The following GOLGB1 variants were observed in gnomAD, a reference collection of about 807,000 sequenced individuals.
GOLGB1 encodes golgin subfamily B member 1.
A neutral mutation model predicts 336.9 loss-of-function variants in GOLGB1; 174 were observed. The observed-to-expected ratio is 0.52, with a 90% CI of 0.46 to 0.59. The LOEUF (loss-of-function observed/expected upper bound fraction) is 0.59, where lower values mean the gene tolerates loss of function less well. Among genes scored for constraint, GOLGB1 ranks in the 20% least tolerant of loss-of-function variants. The probability of loss-of-function intolerance (pLI) is 0.00; values close to 1 mark genes in which losing one functional copy is unlikely to be tolerated. For synonymous variants in GOLGB1, 1,208 were observed against 1,289.2 expected (o/e 0.94, Z 1.35); for missense variants, 3,331 against 3,645.3 (o/e 0.91, Z 2.22).
At chr3:121,716,526 G>A (rs965110658) in intron 9 of GOLGB1, among the ~76,000 whole-genome samples, 1 of 152,128 alleles carries the variant, frequency 6.6e-6, no homozygotes, top group Non-Finnish European at 1.5e-5. Flanking sequence ...CACATTTTTA[G>A]TATTGTAATG....
At position 121,697,540 on chromosome 3, in the gene GOLGB1, G is replaced by C. The variant is rs754491601; in HGVS notation, c.2983C>G (p.Gln995Glu). Residue 995 changes from glutamine to glutamate, a missense_variant, in exon 13 of 22, where the codon CAG becomes GAG. Physicochemically the swap from Gln to Glu is conservative, Grantham distance 29. Transcript: ENST00000614479. ...EFDLLKKENE[Q>E]RKRKLQAALI... The stretch of plus-strand genomic sequence containing the variant: ...GCTGCCTGGAGCTTTCTCTTTCTCT[G>C]CTCATTTTCTTTCTTCAGAAGGTCA... 1.1e-5 allele frequency: 17 copies of C among 1,613,342 alleles called. No individual in the cohort carries two copies. The highest frequency in any genetic ancestry group is 5.9e-6 in the Non-Finnish European group (7 of 1,179,826).
At chr3:121,692,792 T>C (rs1942571174) in intron 13 of GOLGB1, among the ~76,000 whole-genome samples, 1 of 152,234 alleles carries the variant, frequency 6.6e-6, no homozygotes, top group Admixed American at 6.5e-5. Flanking sequence ...TACTTAAGGG[T>C]TCATATATTT....
chr3:121,730,762 C>A, intron 2 of GOLGB1, 114 bp downstream of exon 2: 2 of 967,350 alleles, frequency 2.1e-6, no homozygotes, highest in Non-Finnish European at 1.4e-6. Flanking sequence ...TTTCTTAATC[C>A]TCGCTTCACC....
intron 19 of GOLGB1, 21 bp downstream of exon 19, chr3:121,668,039 GT>G: frequency 7.4e-7 from 1 of 1,355,102 alleles, no homozygotes; most frequent in Non-Finnish European, 1.0e-6. Context: ...ATGCTCCAGG[GT>G]TTAGAGAGCC....
At chr3:121,727,306 ATATATATATATATATTTT>A (rs2108258587) in intron 4 of GOLGB1, among the ~76,000 whole-genome samples, 1 of 28,628 alleles carries the variant, frequency 3.5e-5, no homozygotes, top group African/African-American at 8.3e-5. Flanking sequence ...ATATATATAT[ATATATATATATATATTTT>A]TTTTTTTTTT....
At chr3:121,707,225 CAAA>C (rs554313106) in intron 10 of GOLGB1, among the ~76,000 whole-genome samples, 2 of 93,670 alleles carry the variant, frequency 2.1e-5, no homozygotes, top group African/African-American at 4.5e-5. Context: ...GACTCCATCT[CAAA>C]AAAAAAAAAA....
intron 1 of GOLGB1, 70 bp from the exon 2 acceptor site, chr3:121,731,043 A>T (rs1946077153): frequency 1.4e-6 from 2 of 1,444,110 alleles, no homozygotes; most frequent in Non-Finnish European, 1.9e-6. Flanking sequence ...CTATATTGAT[A>T]ACCATATCAT....
intron 1 of GOLGB1, among the ~76,000 whole-genome samples, chr3:121,745,918 C>G (rs1947253815): frequency 6.6e-6 from 1 of 152,068 alleles, no homozygotes; most frequent in South Asian, 2.1e-4. Flanking sequence ...CTTATAACAA[C>G]CACCTGGTGT....
At position 121,710,102 on chromosome 3, in the gene GOLGB1, G is replaced by T. The variant is rs1353390633; in HGVS notation, c.1404+4759C>A. ...AAACAAACCAAAACTGGCACCGGGT[G>T]GAAAAAAAAAAAAAAATCTTATTAT... On this transcript the variant is annotated intron_variant, in intron 10 of 21. Transcript: ENST00000614479. Among the ~76,000 whole-genome samples the T allele has an allele frequency of 3.2e-4, 42 of 133,332 alleles. 1 individual carries two copies. Among genetic ancestry groups the T allele is most frequent in the Non-Finnish European group, 3.5e-4 (22 of 62,262 alleles). 87.5% of individuals were successfully genotyped at this position (133,332 alleles called of 152,430 possible). A position where few individuals can be genotyped will look rare whatever the true frequency, so the allele number is the denominator to read the frequency against.
intron 11 of GOLGB1, among the ~76,000 whole-genome samples, chr3:121,701,161 G>A (rs1943373094): frequency 6.6e-6 from 1 of 152,072 alleles, no homozygotes; most frequent in African/African-American, 2.4e-5. Context: ...TAATCTATGA[G>A]GCCAGACACA....
At chr3:121,688,338 G>A (rs1425426285) in intron 14 of GOLGB1, among the ~76,000 whole-genome samples, 4 of 152,216 alleles carry the variant, frequency 2.6e-5, no homozygotes, top group African/African-American at 7.2e-5. Context: ...GGCGCGCGCC[G>A]CCACGCCTGA....
Position 121,693,856 on chromosome 3 carries a change from C to T in GOLGB1, c.6667G>A (p.Ala2223Thr), listed in dbSNP as rs762036228. Residue 2223 changes from alanine to threonine, a missense_variant, in exon 13 of 22, where the codon GCG becomes ACG. Coordinates refer to ENST00000614479, the MANE Select transcript of GOLGB1 (RefSeq NM_001366282.2). ...AKKWERKFSD[A>T]IQSKEEEIRL... ...ATTTCTTCTTCTTTGCTTTGAATCG[C>T]ATCACTAAACTTCCTCTCCCATTTC... The T allele has an allele frequency of 4.3e-6, 7 of 1,613,776 alleles. No individual in the cohort carries two copies. The South Asian group carries it at 5.5e-5, about 13-fold the overall frequency.
At chr3:121,733,615 A>G (rs919271201) in intron 1 of GOLGB1, among the ~76,000 whole-genome samples, 6 of 152,232 alleles carry the variant, frequency 3.9e-5, no homozygotes, top group Non-Finnish European at 7.3e-5. Context: ...TAAACATCAA[A>G]AAGCTGACTC....
rs199737833 is a variant in GOLGB1, at chr3:121,729,328, C to T, written c.262G>A (p.Ala88Thr). 19 of 1,611,934 alleles carry T rather than the reference C, an allele frequency of 1.2e-5. No homozygotes were observed. The highest frequency in any genetic ancestry group is 1.4e-5 in the Non-Finnish European group (17 of 1,178,720). ...KDEALQEERKAADNKIKKLKL... is the reference protein window; with the variant it reads ...KDEALQEERKTADNKIKKLKL... ...AGTTTTTTAATTTTGTTATCAGCAG[C>T]TTTTCTCTCTTCCTGCCCAAAAACA... is the stretch of plus-strand genomic sequence containing the variant. Residue 88 changes from alanine to threonine, a missense_variant, in exon 4 of 22, where the codon GCT becomes ACT. Coordinates refer to ENST00000614479, the MANE Select transcript of GOLGB1 (RefSeq NM_001366282.2).
At chr3:121,701,670 A>T (rs997381889) in intron 11 of GOLGB1, among the ~76,000 whole-genome samples, 5 of 152,166 alleles carry the variant, frequency 3.3e-5, no homozygotes, top group African/African-American at 1.2e-4. Context: ...GTTCACACAC[A>T]ATCCAATAGG....
intron 1 of GOLGB1, among the ~76,000 whole-genome samples, chr3:121,736,200 T>C (rs901359036): frequency 1.3e-5 from 2 of 152,134 alleles, no homozygotes; most frequent in African/African-American, 4.8e-5. Context: ...TGTAGATACG[T>C]CCCCCTCTAA....
Position 121,719,779 on chromosome 3 carries a change from A to C in GOLGB1, c.649-11T>G. ...CTGCATGGAACTCAACTGAAGACAC[A>C]TACCAGAGAAACTATGCAAGTTACA... On this transcript the variant is annotated splice_polypyrimidine_tract_variant and intron_variant, in intron 6 of 21. Transcript: ENST00000614479. 6.3e-7 allele frequency: 1 copy of C among 1,589,256 alleles called. No individual in the cohort carries two copies. The highest frequency in any genetic ancestry group is 8.6e-7 in the Non-Finnish European group (1 of 1,168,650).
chr3:121,749,470 G>A (rs1947608766), intron 1 of GOLGB1, among the ~76,000 whole-genome samples, 162 bp downstream of exon 1: 1 of 152,202 alleles, frequency 6.6e-6, no homozygotes, highest in Non-Finnish European at 1.5e-5. Context: ...CCTGGTAGGT[G>A]AAGGAGGCGG....
chr3:121,698,234 C>T lies in GOLGB1; in HGVS notation c.2289G>A (p.Met763Ile). The T allele has an allele frequency of 6.2e-7, 1 of 1,613,916 alleles. No individual in the cohort carries two copies. Among genetic ancestry groups the T allele is most frequent in the South Asian group, 1.1e-5 (1 of 91,076 alleles). The change falls in exon 13 of 22, where the codon ATG becomes ATA. Residue 763 changes from methionine to isoleucine, a missense_variant. By Grantham distance (10) the Met-to-Ile change is conservative (BLOSUM62 1). Transcript: ENST00000614479. ...TTACCTGAGCCCTCAATTCTGTTAC[C>T]ATGCTAAGTTCCTTCACCTGAGAGA... ...QLLSQVKELS[M>I]VTELRAQVKQ...
Sources: gnomAD v4.1 joint callset for allele counts (sites outside exome capture counted in the v4.1 genomes callset) on GRCh38, gnomAD v4.1.1 for gene constraint, MANE v1.5 for transcripts, NCBI Gene and HGNC (gene_info 2026-07-23, HGNC 2026-07-21) for gene names.